Variants in AGTPBP1 observed in about 807,000 individuals in gnomAD.
AGTPBP1 encodes the protein cytosolic carboxypeptidase 1.
In AGTPBP1, 70 loss-of-function variants were observed where a neutral mutation model predicts 143.9. The ratio of observed to expected loss-of-function variants is 0.49; its 90% CI spans 0.40 to 0.59. The LOEUF is 0.59. Among genes scored for constraint, AGTPBP1 ranks in the 20% least tolerant of loss-of-function variants. The pLI, the probability that AGTPBP1 is intolerant of heterozygous loss-of-function variation, is 0.00. For missense variants in AGTPBP1, 1,229 were observed against 1,464.5 expected (o/e 0.84, Z 2.62); for synonymous variants, 463 against 500.2 (o/e 0.93, Z 0.99).
intron 10 of AGTPBP1, among the ~76,000 whole-genome samples, chr9:85,656,403 A>G (rs1833511299): frequency 6.6e-6 from 1 of 152,198 alleles, no homozygotes; most frequent in Non-Finnish European, 1.5e-5. Flanking sequence ...TGTCTATACT[A>G]GGAATAGTAA....
At chr9:85,724,689 C>A (rs1036187048) in intron 1 of AGTPBP1, among the ~76,000 whole-genome samples, 1 of 152,152 alleles carries the variant, frequency 6.6e-6, no homozygotes, top group Non-Finnish European at 1.5e-5. Flanking sequence ...TCTTTTTATT[C>A]ACACAATAAC....
At chr9:85,611,220 A>C (rs1830299014) in intron 17 of AGTPBP1, among the ~76,000 whole-genome samples, 1 of 150,790 alleles carries the variant, frequency 6.6e-6, no homozygotes, top group Non-Finnish European at 1.5e-5. Flanking sequence ...TGTCACACTA[A>C]ATAAAAAATA....
intron 3 of AGTPBP1, among the ~76,000 whole-genome samples, chr9:85,685,829 A>G (rs1369154753): frequency 6.6e-6 from 1 of 152,158 alleles, no homozygotes; most frequent in Non-Finnish European, 1.5e-5. Context: ...TGACAATCAC[A>G]GCTGAAGAAT....
intron 1 of AGTPBP1, among the ~76,000 whole-genome samples, chr9:85,714,359 G>A (rs1460146770): frequency 1.3e-5 from 2 of 152,206 alleles, no homozygotes; most frequent in Non-Finnish European, 2.9e-5. Flanking sequence ...GAATACTGCA[G>A]TGAATGAAGT....
At chr9:85,559,777 A>G (rs975531047) in intron 25 of AGTPBP1, among the ~76,000 whole-genome samples, 1 of 152,186 alleles carries the variant, frequency 6.6e-6, no homozygotes, top group Admixed American at 6.5e-5. Flanking sequence ...TTTGGTGTAA[A>G]AGTGGGTAGC....
At chr9:85,646,693 T>C (rs1239769672) in intron 11 of AGTPBP1, among the ~76,000 whole-genome samples, 1 of 152,236 alleles carries the variant, frequency 6.6e-6, no homozygotes, top group African/African-American at 2.4e-5. Context: ...ATAGCCTGAA[T>C]GAAACATCCT....
chr9:85,731,405 A>C (rs62570621), intron 1 of AGTPBP1, among the ~76,000 whole-genome samples: 1 of 151,966 alleles, frequency 6.6e-6, no homozygotes, highest in Admixed American at 6.6e-5. Context: ...CTTTGGAAGT[A>C]GTTTGGCAGG....
chr9:85,778,394 CCTCCA>C, the AGTPBP1 span, among the ~76,000 whole-genome samples: 2 of 152,172 alleles, frequency 1.3e-5, no homozygotes, highest in African/African-American at 4.8e-5. Flanking sequence ...ATCCTAGAGG[CCTCCA>C]CTGTGATTCA....
At chr9:85,778,753 A>T in the AGTPBP1 span, among the ~76,000 whole-genome samples, 1 of 152,124 alleles carries the variant, frequency 6.6e-6, no homozygotes. Context: ...GCCCCACACC[A>T]CTGGACCCCT....
intron 17 of AGTPBP1, among the ~76,000 whole-genome samples, chr9:85,611,155 C>CT (rs56023115): frequency 0.075 from 8,447 of 112,698 alleles, 286 homozygotes; most frequent in Non-Finnish European, 0.09. Flanking sequence ...AGGGGCTTTT[C>CT]TTTTTTTTTT....
upstream of AGTPBP1, among the ~76,000 whole-genome samples, chr9:85,744,877 C>A (rs983101412): frequency 6.6e-6 from 1 of 152,246 alleles, no homozygotes; most frequent in African/African-American, 2.4e-5. Flanking sequence ...TGAAATCATA[C>A]TTTTATCTCT....
At chr9:85,744,325 T>C (rs780480315), upstream of AGTPBP1, among the ~76,000 whole-genome samples, 4 of 152,204 alleles carry the variant, frequency 2.6e-5, no homozygotes, top group Non-Finnish European at 5.9e-5. Context: ...CACTATGTAG[T>C]TAATAAACAT....
intron 3 of AGTPBP1, among the ~76,000 whole-genome samples, chr9:85,689,945 T>TATATATATATATATATA (rs1486313965): frequency 2.2e-4 from 28 of 126,656 alleles, no homozygotes; most frequent in African/African-American, 8.3e-4. Context: ...TATATATATA[T>TATATATATATATATATA]ATCTTAAAGT....
chr9:85,547,514 T>C (rs1825800575), intron 25 of AGTPBP1, among the ~76,000 whole-genome samples: 1 of 152,222 alleles, frequency 6.6e-6, no homozygotes, highest in African/African-American at 2.4e-5. Context: ...AGAGTATCAA[T>C]ATATATCCTA....
At chr9:85,547,759 C>T (rs1825809533) in intron 25 of AGTPBP1, among the ~76,000 whole-genome samples, 1 of 152,182 alleles carries the variant, frequency 6.6e-6, no homozygotes, top group Non-Finnish European at 1.5e-5. Flanking sequence ...GCCATAAAAA[C>T]AGCCCATATA....
chr9:85,742,868 A>G (rs999125390), upstream of AGTPBP1, among the ~76,000 whole-genome samples: 1 of 152,202 alleles, frequency 6.6e-6, no homozygotes, highest in African/African-American at 2.4e-5. Flanking sequence ...TAATATCACA[A>G]CTAGATAAGG....
At chr9:85,789,806 T>G in the AGTPBP1 span, among the ~76,000 whole-genome samples, 7 of 152,148 alleles carry the variant, frequency 4.6e-5, no homozygotes, top group Admixed American at 6.5e-5. Flanking sequence ...ATTCCTTATA[T>G]AGAAAAAAAT....
upstream of AGTPBP1, among the ~76,000 whole-genome samples, chr9:85,746,274 G>A (rs1183961461): frequency 1.3e-5 from 2 of 152,028 alleles, no homozygotes; most frequent in Non-Finnish European, 2.9e-5. Context: ...CCAAAAAGCT[G>A]CCTCTCTCCT....
At chr9:85,641,065 T>C (rs999854599) in intron 13 of AGTPBP1, among the ~76,000 whole-genome samples, 3 of 152,182 alleles carry the variant, frequency 2.0e-5, no homozygotes, top group Non-Finnish European at 2.9e-5. Context: ...ACAGTATCTA[T>C]GCAACTGACC....
Sources: allele counts gnomAD v4.1 joint callset (sites outside exome capture counted in the v4.1 genomes callset), GRCh38; gene constraint gnomAD v4.1.1; transcripts MANE v1.5; gene names NCBI Gene and HGNC (gene_info 2026-07-23, HGNC 2026-07-21).